TJP1: variants seen among roughly 807,000 people sequenced by gnomAD.
TJP1 encodes tight junction protein ZO-1.
In TJP1, 43 loss-of-function variants were observed where a neutral mutation model predicts 194.2. The observed-to-expected ratio is 0.22, with a 90% CI of 0.17 to 0.29. The LOEUF is 0.29. TJP1 is among the 10% of genes least tolerant of loss of function. The pLI, the probability that TJP1 is intolerant of heterozygous loss-of-function variation, is 1.00. For missense variants in TJP1, 1,971 were observed against 2,185.7 expected, an observed-to-expected ratio of 0.90 and a Z score of 1.96; for synonymous variants, 801 against 779.0, an observed-to-expected ratio of 1.03 and a Z score of -0.47.
At chr15:29,755,746 G>A (rs1383501819) in intron 8 of TJP1, among the ~76,000 whole-genome samples, 1 of 152,146 alleles carries the variant, frequency 6.6e-6, no homozygotes, top group Non-Finnish European at 1.5e-5. Context: ...TTAGAAAACA[G>A]TTTAGGCCTT....
At chr15:29,857,813 G>GTGCAA (rs1297785298) in intron 2 of TJP1, among the ~76,000 whole-genome samples, 1 of 152,150 alleles carries the variant, frequency 6.6e-6, no homozygotes, top group African/African-American at 2.4e-5. Context: ...CCAGGCTGGA[G>GTGCAA]TGCAATGGTG....
intron 1 of TJP1, among the ~76,000 whole-genome samples, chr15:29,960,949 G>C (rs1233384972): frequency 1.3e-5 from 2 of 152,176 alleles, no homozygotes; most frequent in Non-Finnish European, 2.9e-5. Flanking sequence ...AAGTGCTCTT[G>C]TAGGAATAGG....
rs760222011 is a variant in TJP1, at chr15:29,709,073, A to C, written c.4373-37T>G. 5.1e-6 allele frequency: 8 copies of C among 1,567,116 alleles called. No individual in the cohort carries two copies. The African/African-American group carries it at 1.1e-4, about 21-fold the overall frequency. ...ACGTAAGCATTTAAATAACTTTCTG[A>C]AAAAAGTTATAATAGCCCTGTCCCA... On this transcript the variant is annotated intron_variant, in intron 24 of 27. Transcript: ENST00000614355.
rs1460129845 is a variant in TJP1 at position 29,833,879 on chromosome 15, A to AT, written c.307-33178dup. ...TAAGTATATATATATATATATATAT[A>AT]TATTTTTTTTTTTTTTTTTTTTGAG... On this transcript the variant is annotated intron_variant, in intron 2 of 28. Coordinates refer to the TJP1 transcript ENST00000356107. Among the ~76,000 whole-genome samples the AT allele has an allele frequency of 5.7e-3, 78 of 13,782 alleles. 4 individuals are homozygous for AT. The highest frequency in any genetic ancestry group is 0.016 in the African/African-American group (67 of 4,070). The allele number at this position is 13,782 out of a possible 152,430, so 9.0% of individuals were successfully genotyped here. A position where few individuals can be genotyped will look rare whatever the true frequency, so the allele number is the denominator to read the frequency against.
At chr15:29,785,312 T>C (rs2047631571) in intron 2 of TJP1, among the ~76,000 whole-genome samples, 1 of 152,206 alleles carries the variant, frequency 6.6e-6, no homozygotes, top group South Asian at 2.1e-4. Flanking sequence ...CTGGAATTTT[T>C]TCAGTTATGT....
rs573280502 is a variant in TJP1, at chr15:29,753,621, C to A, written c.1010+7518G>T. ...CATCCACATTACTGGTAAAATCTTT[C>A]AACCTTCACTACAGAAGGAACATTC... On this transcript the variant is annotated intron_variant, in intron 8 of 27. Coordinates refer to ENST00000614355, the MANE Select transcript of TJP1 (RefSeq NM_001330239.4). Among the ~76,000 whole-genome samples, 5 of 151,444 alleles carry A rather than the reference C, an allele frequency of 3.3e-5. No homozygotes were observed. In the East Asian group the frequency reaches 9.8e-4, roughly 30 times the overall value.
chr15:29,711,654 AC>A (rs2042250244), intron 23 of TJP1, among the ~76,000 whole-genome samples: 1 of 152,156 alleles, frequency 6.6e-6, no homozygotes, highest in South Asian at 2.1e-4. Context: ...GGCATGAGCC[AC>A]CGCACCCGGC....
Position 29,864,237 on chromosome 15 carries a change from C to CAAAAAAAAAAAAAAAAAAAAAAAAAAAAA in TJP1, c.307-63536_307-63535insTTTTTTTTTTTTTTTTTTTTTTTTTTTTT, listed in dbSNP as rs397975539. Among the ~76,000 whole-genome samples, 9 of 18,944 alleles carry CAAAAAAAAAAAAAAAAAAAAAAAAAAAAA rather than the reference C, an allele frequency of 4.8e-4. 1 individual carries two copies. The highest frequency in any genetic ancestry group is 6.0e-4 in the African/African-American group (4 of 6,664). 12.4% of individuals were successfully genotyped at this position (18,944 alleles called of 152,430 possible). On this transcript the variant is annotated intron_variant, in intron 2 of 28. Coordinates refer to the TJP1 transcript ENST00000356107. ...TGAAACCCCGTCTCTACTAAAAATACAAAAAAAAAAAAAAAAAAAAAAAAA... is the reference window on the plus strand; with the variant it reads ...TGAAACCCCGTCTCTACTAAAAATACAAAAAAAAAAAAAAAAAAAAAAAAAAAAAAAAAAAAAAAAAAAAAAAAAAAAAA...
In TJP1 at chr15:29,714,529, C is replaced by T. The variant is rs564139804; in HGVS notation, c.4202+2082G>A. ...CTGGGAGTACAGGCGTGAGCCACTG[C>T]GCCCAGCCTTTTTTTTTTTTTTTTT... is the stretch of plus-strand genomic sequence containing the variant. On this transcript the variant is annotated intron_variant, in intron 23 of 27. Coordinates refer to ENST00000614355, the MANE Select transcript of TJP1 (RefSeq NM_001330239.4). Among the ~76,000 whole-genome samples the T allele has an allele frequency of 3.0e-3, 431 of 144,146 alleles. 5 individuals are homozygous for T. The highest frequency in any genetic ancestry group is 4.8e-3 in the Non-Finnish European group (320 of 66,350). 94.6% of individuals were successfully genotyped at this position (144,146 alleles called of 152,430 possible). A position where few individuals can be genotyped will look rare whatever the true frequency, so the allele number is the denominator to read the frequency against.
At chr15:29,863,155 G>T (rs938986300) in intron 2 of TJP1, among the ~76,000 whole-genome samples, 1 of 151,884 alleles carries the variant, frequency 6.6e-6, no homozygotes, top group Non-Finnish European at 1.5e-5. Flanking sequence ...AATTAGCTGG[G>T]TGTGGTGGCA....
chr15:29,718,942 G>A lies in TJP1; in HGVS notation c.3200C>T (p.Thr1067Met), dbSNP rs750184846. Residue 1067 changes from threonine to methionine, a missense_variant, in exon 21 of 28, where the codon ACG (threonine) becomes ATG (methionine). Thr to Met is a moderately conservative substitution (Grantham distance 81). Transcript: ENST00000614355. Reference sequence around the variant, plus strand: ...TTCATAGTTTCGAGAAAACTGGTCCGTATAGCTTGAGGACTCGTATCTGTA... The same window carrying A: ...TTCATAGTTTCGAGAAAACTGGTCCATATAGCTTGAGGACTCGTATCTGTA... Reference protein sequence around the residue: ...PTYRYESSSYTDQFSRNYEHR... With the variant: ...PTYRYESSSYMDQFSRNYEHR... 6 of 1,614,138 alleles carry A rather than the reference G, an allele frequency of 3.7e-6. No homozygotes were observed. The highest frequency in any genetic ancestry group is 2.2e-5 in the South Asian group (2 of 91,080).
chr15:29,967,540 A>G (rs1313470667), intron 1 of TJP1, among the ~76,000 whole-genome samples: 1 of 152,120 alleles, frequency 6.6e-6, no homozygotes, highest in Admixed American at 6.5e-5. Context: ...AGAAACAGAC[A>G]CTCCAGGAAC....
chr15:29,916,445 A>T (rs1596251704), intron 2 of TJP1, among the ~76,000 whole-genome samples: 5 of 152,000 alleles, frequency 3.3e-5, no homozygotes, highest in Admixed American at 3.3e-4. Flanking sequence ...ATGGGTAATG[A>T]GCTCCTTTAC....
At chr15:29,800,742 G>A (rs2048729943) in intron 1 of TJP1, 40 bp from the exon 2 acceptor site, 2 of 1,599,372 alleles carry the variant, frequency 1.3e-6, no homozygotes, top group Non-Finnish European at 1.7e-6. Flanking sequence ...TACCTTTTAA[G>A]AAAATGTCCT....
rs542504213 is a variant in TJP1, at chr15:29,857,924, G to A, written c.307-57222C>T. ...TTACAGGCACCAGTCACCATGCCTG[G>A]CTAATTTTTTGTATTTTTCGTAGAG... On this transcript the variant is annotated intron_variant, in intron 2 of 28. Coordinates refer to the TJP1 transcript ENST00000356107. Among the ~76,000 whole-genome samples the A allele has an allele frequency of 7.9e-5, 12 of 152,156 alleles. No individual in the cohort carries two copies. In the East Asian group the frequency reaches 1.7e-3, roughly 22 times the overall value.
intron 2 of TJP1, among the ~76,000 whole-genome samples, chr15:29,884,056 T>C (rs1183070220): frequency 6.6e-6 from 1 of 152,232 alleles, no homozygotes; most frequent in Non-Finnish European, 1.5e-5. Flanking sequence ...AAAACAAGGA[T>C]ACCCTAATGA....
intron 2 of TJP1, among the ~76,000 whole-genome samples, chr15:29,910,317 A>C (rs1379570600): frequency 6.6e-6 from 1 of 152,230 alleles, no homozygotes; most frequent in African/African-American, 2.4e-5. Flanking sequence ...TAAACACTAA[A>C]GTGGAAAGAG....
intron 2 of TJP1, among the ~76,000 whole-genome samples, chr15:29,949,212 C>G (rs1473292113): frequency 8.3e-6 from 1 of 119,782 alleles, no homozygotes; most frequent in East Asian, 2.5e-4. Flanking sequence ...TCCACCACCA[C>G]CACCTCCACT....
chr15:29,950,113 CTCCACA>C (rs1402105652), intron 2 of TJP1, among the ~76,000 whole-genome samples: 2 of 96,248 alleles, frequency 2.1e-5, no homozygotes, highest in African/African-American at 3.9e-5. Context: ...CCACCACCAC[CTCCACA>C]ACCACCACCT....
Sources: allele counts gnomAD v4.1 joint callset (sites outside exome capture counted in the v4.1 genomes callset), GRCh38; gene constraint gnomAD v4.1.1; transcripts MANE v1.5; gene names NCBI Gene and HGNC (gene_info 2026-07-23, HGNC 2026-07-21).